The following UBAC2 variants were observed in gnomAD, a reference collection of about 807,000 sequenced individuals.
The protein encoded by UBAC2 is ubiquitin-associated domain-containing protein 2.
UBAC2 carries 26 observed loss-of-function variants against 44.0 expected under a neutral mutation model. That is an observed-to-expected ratio of 0.59 (90% confidence interval 0.43 to 0.82). The LOEUF (loss-of-function observed/expected upper bound fraction) is 0.82, where lower values mean the gene tolerates loss of function less well. UBAC2 is among the 40% of genes least tolerant of loss of function. The pLI, the probability that UBAC2 is intolerant of heterozygous loss-of-function variation, is 0.00. For missense variants in UBAC2, 329 were observed against 419.4 expected, an observed-to-expected ratio of 0.78 and a Z score of 1.88; for synonymous variants, 155 against 154.3, an observed-to-expected ratio of 1.00 and a Z score of -0.04.
At chr13:99,246,287 A>T (rs1164111632) in intron 4 of UBAC2, among the ~76,000 whole-genome samples, 1 of 152,232 alleles carries the variant, frequency 6.6e-6, no homozygotes, top group Non-Finnish European at 1.5e-5. Context: ...TCTGTGTCAT[A>T]ATTAGCATGC....
chr13:99,380,936 G>A (rs1010239969), intron 8 of UBAC2, among the ~76,000 whole-genome samples: 3 of 152,238 alleles, frequency 2.0e-5, no homozygotes, highest in East Asian at 1.9e-4. Context: ...GATCTGCCCC[G>A]CAGAGGATGA....
At chr13:99,329,431 T>C (rs1428951874) in intron 6 of UBAC2, among the ~76,000 whole-genome samples, 1 of 152,220 alleles carries the variant, frequency 6.6e-6, no homozygotes, top group Non-Finnish European at 1.5e-5. Flanking sequence ...ACAGATTCTT[T>C]TACACATCAA....
chr13:99,343,177 C>T (rs1326515303), intron 7 of UBAC2, among the ~76,000 whole-genome samples: 1 of 152,234 alleles, frequency 6.6e-6, no homozygotes, highest in Admixed American at 6.5e-5. Context: ...TGTCGGCCCA[C>T]CTGGCTTGGT....
chr13:99,230,249 A>T (rs2043157487), intron 1 of UBAC2, among the ~76,000 whole-genome samples: 3 of 152,108 alleles, frequency 2.0e-5, no homozygotes, highest in African/African-American at 7.2e-5. Flanking sequence ...AGATTGCCTG[A>T]TCTCAGGAGT....
intron 4 of UBAC2, among the ~76,000 whole-genome samples, chr13:99,298,067 C>A (rs1279760784): frequency 2.0e-5 from 3 of 152,082 alleles, no homozygotes; most frequent in African/African-American, 4.8e-5. Flanking sequence ...TTGCATGTAA[C>A]AGCAAAATTT....
chr13:99,227,196 C>T (rs894112485), intron 1 of UBAC2, among the ~76,000 whole-genome samples: 1 of 149,708 alleles, frequency 6.7e-6, no homozygotes, highest in African/African-American at 2.5e-5. Context: ...GAAACTCCAT[C>T]TCAAAAAAAA....
In UBAC2 at chr13:99,270,204, T is replaced by G. The variant is rs141197211; in HGVS notation, c.389+25580T>G. Reference sequence around the variant, plus strand: ...GGTGAGGCAACACACTACTTGGCCCTAATAGTAACATTAAAGAAAAAAATA... The same window carrying G: ...GGTGAGGCAACACACTACTTGGCCCGAATAGTAACATTAAAGAAAAAAATA... On this transcript the variant is annotated intron_variant, in intron 4 of 8. Coordinates refer to ENST00000403766, the MANE Select transcript of UBAC2 (RefSeq NM_001144072.2). Among the ~76,000 whole-genome samples, 554 of 152,348 alleles carry G rather than the reference T, an allele frequency of 3.6e-3. 5 individuals carry two copies. Among genetic ancestry groups the G allele is most frequent in the African/African-American group, 0.013 (524 of 41,570 alleles).
At chr13:99,372,997 G>A (rs2045428848) in intron 8 of UBAC2, among the ~76,000 whole-genome samples, 2 of 152,016 alleles carry the variant, frequency 1.3e-5, no homozygotes, top group Middle Eastern at 3.2e-3. Flanking sequence ...ACGGGCGCCT[G>A]TAGTCCCACC....
chr13:99,217,291 C>G (rs2043008201), intron 1 of UBAC2, among the ~76,000 whole-genome samples: 1 of 152,318 alleles, frequency 6.6e-6, no homozygotes, highest in South Asian at 2.1e-4. Context: ...CCCAAACTTG[C>G]AAGGGTTTTT....
intron 7 of UBAC2, among the ~76,000 whole-genome samples, chr13:99,365,138 TA>T: frequency 6.6e-6 from 1 of 152,246 alleles, no homozygotes; most frequent in Non-Finnish European, 1.5e-5. Flanking sequence ...TGTGATTTTT[TA>T]AAAATCTGCC....
intron 7 of UBAC2, chr13:99,356,157 G>A (rs2045178729): frequency 1.9e-6 from 1 of 534,516 alleles, no homozygotes; most frequent in South Asian, 1.4e-5. Context: ...TCCCTTGCAG[G>A]GGCTGTTGGG....
intron 1 of UBAC2, among the ~76,000 whole-genome samples, chr13:99,223,905 T>C (rs985930358): frequency 2.0e-5 from 3 of 152,172 alleles, no homozygotes; most frequent in Admixed American, 6.5e-5. Flanking sequence ...GCCCAGAATA[T>C]AGTCTATTTT....
At chr13:99,382,821 G>A (rs1244233117) in intron 8 of UBAC2, among the ~76,000 whole-genome samples, 2 of 152,132 alleles carry the variant, frequency 1.3e-5, no homozygotes, top group Non-Finnish European at 2.9e-5. Context: ...ACCCACCAGG[G>A]GAAGAGGAGT....
intron 6 of UBAC2, among the ~76,000 whole-genome samples, chr13:99,330,058 C>T (rs1352831272): frequency 6.6e-6 from 1 of 152,164 alleles, no homozygotes; most frequent in Non-Finnish European, 1.5e-5. Context: ...ACAGGTCTTG[C>T]ACATCTTTCA....
chr13:99,323,818 C>T (rs2044601355), intron 6 of UBAC2, among the ~76,000 whole-genome samples: 1 of 152,172 alleles, frequency 6.6e-6, no homozygotes, highest in Non-Finnish European at 1.5e-5. Flanking sequence ...GTGTCTTAGG[C>T]CATTGTTAAC....
intron 2 of UBAC2, among the ~76,000 whole-genome samples, chr13:99,242,651 T>G (rs1594038088): frequency 6.6e-5 from 6 of 91,496 alleles, no homozygotes; most frequent in Admixed American, 1.1e-4. Context: ...CCCACCTCCC[T>G]CCCGGACGGG....
intron 4 of UBAC2, among the ~76,000 whole-genome samples, chr13:99,292,284 C>T (rs1397722910): frequency 6.6e-6 from 1 of 151,668 alleles, no homozygotes; most frequent in Admixed American, 6.6e-5. Flanking sequence ...TACAGGCGCC[C>T]ACCACCACGC....
intron 6 of UBAC2, among the ~76,000 whole-genome samples, chr13:99,318,694 G>A (rs996244521): frequency 7.9e-5 from 12 of 151,336 alleles, no homozygotes; most frequent in Admixed American, 3.3e-4. Flanking sequence ...GGTGGCAGGC[G>A]CCTGTAGTCC....
chr13:99,379,773 C>A (rs2045526465), intron 8 of UBAC2, among the ~76,000 whole-genome samples: 1 of 152,252 alleles, frequency 6.6e-6, no homozygotes, highest in Non-Finnish European at 1.5e-5. Flanking sequence ...TTCACACTTA[C>A]ACTGCTCTCC....
Sources: gnomAD v4.1 joint callset for allele counts (sites outside exome capture counted in the v4.1 genomes callset) on GRCh38, gnomAD v4.1.1 for gene constraint, MANE v1.5 for transcripts, NCBI Gene and HGNC (gene_info 2026-07-23, HGNC 2026-07-21) for gene names.